Variants in RNFT2 observed in about 807,000 individuals in gnomAD.
RNFT2 encodes the protein E3 ubiquitin-protein ligase RNFT2.
A neutral mutation model predicts 53.0 loss-of-function variants in RNFT2; 36 were observed. The observed-to-expected ratio is 0.68, with a 90% confidence interval of 0.52 to 0.90. The LOEUF is 0.90. Ranked by LOEUF, RNFT2 falls within the 40% of genes least tolerant of loss-of-function variation. The probability of loss-of-function intolerance (pLI) is 0.00; values close to 1 mark genes in which losing one functional copy is unlikely to be tolerated. For synonymous variants in RNFT2, 260 were observed against 253.2 expected, an observed-to-expected ratio of 1.03 and a Z score of -0.26; for missense variants, 514 against 585.6, an observed-to-expected ratio of 0.88 and a Z score of 1.26.
rs1877882094 is a variant in RNFT2 at position 116,850,650 on chromosome 12, CAG to C, written c.*1205_*1206del. The C allele has an allele frequency of 1.1e-5, 1 of 92,280 alleles. No homozygotes were observed. Among genetic ancestry groups the C allele is most frequent in the South Asian group, 3.1e-4 (1 of 3,182 alleles). 5.7% of individuals were successfully genotyped at this position (92,280 alleles called of 1,614,324 possible). A position where few individuals can be genotyped will look rare whatever the true frequency, so the allele number is the denominator to read the frequency against. On this transcript the variant is annotated 3_prime_UTR_variant, in exon 11 of 11. Coordinates refer to ENST00000257575, the MANE Select transcript of RNFT2 (RefSeq NM_001382266.1). ...TTTTTTTTTTTTTGTTGTTGTGAGA[CAG>C]AGTCTTGCTCTGTTGCCCAGGCTGG...
intron 8 of RNFT2, 148 bp from the exon 9 acceptor site, chr12:116,835,812 G>A (rs1876929234): frequency 4.0e-6 from 3 of 746,058 alleles, no homozygotes; most frequent in Non-Finnish European, 6.8e-6. Context: ...ACACTGTTGG[G>A]AAGGAAGAAG....
chr12:116,818,041 G>A (rs1266397998), intron 7 of RNFT2, among the ~76,000 whole-genome samples: 2 of 152,196 alleles, frequency 1.3e-5, no homozygotes, highest in Admixed American at 6.5e-5. Context: ...ACGGGAAAGG[G>A]CTTTCTCTGT....
intron 4 of RNFT2, among the ~76,000 whole-genome samples, chr12:116,750,908 A>ATATTTTT (rs869162316): frequency 2.1e-4 from 15 of 70,018 alleles, no homozygotes; most frequent in African/African-American, 6.5e-4. Flanking sequence ...ATATATATAT[A>ATATTTTT]TTTTTTTTTG....
chr12:116,829,006 A>G (rs967411631), intron 7 of RNFT2, among the ~76,000 whole-genome samples: 11 of 140,070 alleles, frequency 7.9e-5, no homozygotes, highest in Non-Finnish European at 1.7e-4. Context: ...TTTTAAGTGG[A>G]AAAAAAAAAA....
At chr12:116,797,623 AG>A (rs1874566738) in intron 7 of RNFT2, among the ~76,000 whole-genome samples, 1 of 151,700 alleles carries the variant, frequency 6.6e-6, no homozygotes, top group African/African-American at 2.4e-5. Flanking sequence ...TTAGACTGTG[AG>A]GGTTCTTGGC....
intron 3 of RNFT2, 49 bp downstream of exon 3, chr12:116,741,143 G>T: frequency 1.3e-6 from 2 of 1,525,196 alleles, no homozygotes; most frequent in South Asian, 1.2e-5. Flanking sequence ...GCTTCGGGTG[G>T]TGAGGGGCAA....
rs1427548194 is a variant in RNFT2 at position 116,852,823 on chromosome 12, C to G, written c.*3375C>G. On this transcript the variant is annotated 3_prime_UTR_variant, in exon 11 of 11. Transcript: ENST00000257575. The stretch of plus-strand genomic sequence containing the variant: ...TAGCCATCTCCAGGGTGACGGAACC[C>G]AGTGTATTACCTGCTGGAACCAAGG... The G allele has an allele frequency of 2.9e-6, 3 of 1,030,660 alleles. No homozygotes were observed. The highest frequency in any genetic ancestry group is 4.5e-6 in the Non-Finnish European group (3 of 665,172). 63.8% of individuals were successfully genotyped at this position (1,030,660 alleles called of 1,614,324 possible).
At chr12:116,746,702 G>C (rs1871912805) in intron 3 of RNFT2, among the ~76,000 whole-genome samples, 1 of 152,190 alleles carries the variant, frequency 6.6e-6, no homozygotes, top group African/African-American at 2.4e-5. Context: ...AGGGCGCCTG[G>C]CAACTTCATC....
At chr12:116,836,157 A>AT in intron 9 of RNFT2, 24 bp from the exon 10 acceptor site, 1 of 1,592,670 alleles carries the variant, frequency 6.3e-7, no homozygotes, top group Non-Finnish European at 8.6e-7. Context: ...CCATAGCTGT[A>AT]TTTGCTTCTC....
intron 6 of RNFT2, among the ~76,000 whole-genome samples, 182 bp from the exon 7 acceptor site, chr12:116,779,013 A>G (rs1207133835): frequency 1.3e-5 from 2 of 152,258 alleles, no homozygotes; most frequent in Admixed American, 1.3e-4. Flanking sequence ...CAGAGAGGTT[A>G]AAAGATCCAC....
chr12:116,750,859 TTATATATATATA>T (rs1872190965), intron 4 of RNFT2, among the ~76,000 whole-genome samples: 1 of 3,122 alleles, frequency 3.2e-4, no homozygotes, highest in African/African-American at 7.8e-4. Flanking sequence ...ATAATATATA[TTATATATATATA>T]ATATATATAT....
chr12:116,791,475 C>A (rs749160124), intron 7 of RNFT2, among the ~76,000 whole-genome samples: 3 of 152,128 alleles, frequency 2.0e-5, no homozygotes, highest in Admixed American at 6.6e-5. Context: ...CCAGGCCTGG[C>A]TAATGTTTGT....
intron 8 of RNFT2, 121 bp downstream of exon 8, chr12:116,834,062 T>C (rs959623600): frequency 1.2e-6 from 1 of 805,288 alleles, no homozygotes; most frequent in Non-Finnish European, 1.7e-6. Flanking sequence ...TTTATTTTAA[T>C]TGAGGGAAAA....
chr12:116,810,861 T>C (rs756545564), intron 7 of RNFT2, among the ~76,000 whole-genome samples: 7 of 152,184 alleles, frequency 4.6e-5, no homozygotes, highest in Non-Finnish European at 8.8e-5. Flanking sequence ...TTCCCCCAGA[T>C]GTTTCTCCTT....
intron 7 of RNFT2, among the ~76,000 whole-genome samples, chr12:116,806,389 T>G (rs7958828): frequency 0.055 from 4,568 of 82,806 alleles, 149 homozygotes; most frequent in African/African-American, 0.096. Context: ...AAAATATATA[T>G]ATATATATAT....
At chr12:116,800,929 G>A (rs1480034188) in intron 7 of RNFT2, 2 of 152,194 alleles carry the variant, frequency 1.3e-5, no homozygotes, top group Non-Finnish European at 2.9e-5. Flanking sequence ...CTGCTGGAAG[G>A]TGACAAAGTA....
intron 1 of RNFT2, among the ~76,000 whole-genome samples, chr12:116,739,992 G>A (rs936539049): frequency 1.1e-4 from 17 of 152,126 alleles, no homozygotes; most frequent in African/African-American, 4.1e-4. Flanking sequence ...GATCACTTGA[G>A]GTCAGAAGTT....
chr12:116,822,330 GTCTGTCTCTCTC>G (rs950171856), intron 7 of RNFT2, among the ~76,000 whole-genome samples: 42 of 152,008 alleles, frequency 2.8e-4, no homozygotes, highest in African/African-American at 8.7e-4. Flanking sequence ...GAGAAACAGG[GTCTGTCTCTCTC>G]TCTGTCTCTC....
chr12:116,805,468 T>TTTGTTG (rs957787286), intron 7 of RNFT2, among the ~76,000 whole-genome samples: 2 of 151,996 alleles, frequency 1.3e-5, no homozygotes, highest in Non-Finnish European at 2.9e-5. Context: ...TGCTGCATTT[T>TTTGTTG]TTGTTGTTGT....
Sources: gnomAD v4.1 joint callset for allele counts (sites outside exome capture counted in the v4.1 genomes callset) on GRCh38, gnomAD v4.1.1 for gene constraint, MANE v1.5 for transcripts, NCBI Gene and HGNC (gene_info 2026-07-23, HGNC 2026-07-21) for gene names.